Variants in EXTL3 observed in about 807,000 individuals in gnomAD.
EXTL3 encodes exostosin like glycosyltransferase 3, also known as exostosin-like 3.
Under a neutral mutation model 69.3 loss-of-function variants are expected in EXTL3, and 27 were observed. The observed-to-expected ratio is 0.39, with a 90% CI of 0.29 to 0.54. The LOEUF is 0.54. EXTL3 is among the 20% of genes least tolerant of loss of function. The pLI is 0.69. For missense variants in EXTL3, 1,003 were observed against 1,231.8 expected, an observed-to-expected ratio of 0.81 and a Z score of 2.78; for synonymous variants, 511 against 499.4, an observed-to-expected ratio of 1.02 and a Z score of -0.31.
Position 28,689,124 on chromosome 8 carries a change from T to C in EXTL3, c.-52-24333T>C, listed in dbSNP as rs116167287. Among the ~76,000 whole-genome samples the C allele has an allele frequency of 6.4e-3, 978 of 152,358 alleles. 11 individuals are homozygous for C. The highest frequency in any genetic ancestry group is 0.023 in the African/African-American group (942 of 41,582). On this transcript the variant is annotated intron_variant, in intron 1 of 6. Transcript: ENST00000523149. ...GAACTTCTGTGGCTGTTCTCATTTC[T>C]TGGTTCTTTGCTGACCCAGTTGTGG... is the stretch of plus-strand genomic sequence containing the variant.
At chr8:28,654,901 A>G (rs747786121) in intron 1 of EXTL3, among the ~76,000 whole-genome samples, 6 of 152,198 alleles carry the variant, frequency 3.9e-5, no homozygotes, top group Admixed American at 2.0e-4. Flanking sequence ...AACAAGGCAA[A>G]CAGAGAACTA....
At chr8:28,608,081 G>A (rs1381106621) in intron 2 of EXTL3, among the ~76,000 whole-genome samples, 1 of 150,952 alleles carries the variant, frequency 6.6e-6, no homozygotes, top group Admixed American at 6.6e-5. Context: ...CTGCACTCCA[G>A]CCTGGGCGAC....
rs188957682 is a variant in EXTL3 at position 28,607,938 on chromosome 8, C to G, written n.314+180C>G. Among the ~76,000 whole-genome samples, 1,167 of 151,250 alleles carry G rather than the reference C, an allele frequency of 7.7e-3. 20 individuals are homozygous for G. The highest frequency in any genetic ancestry group is 0.027 in the African/African-American group (1,114 of 40,684). The stretch of plus-strand genomic sequence containing the variant: ...CCATCCTGGCTAACACCATGAAACC[C>G]CGTCTCTACTAAATACAAAAAATTA... On this transcript the variant is annotated intron_variant and non_coding_transcript_variant, in intron 2 of 4. Coordinates refer to the EXTL3 transcript ENST00000522725.
At chr8:28,654,626 A>G (rs1157264553) in intron 1 of EXTL3, among the ~76,000 whole-genome samples, 2 of 152,156 alleles carry the variant, frequency 1.3e-5, no homozygotes, top group Non-Finnish European at 2.9e-5. Context: ...GGAAGATATT[A>G]TTGTTGAATC....
At chr8:28,649,259 T>C (rs1264788589) in intron 1 of EXTL3, among the ~76,000 whole-genome samples, 1 of 152,158 alleles carries the variant, frequency 6.6e-6, no homozygotes, top group Non-Finnish European at 1.5e-5. Context: ...TCCTCTAGGG[T>C]ATTTATCTAG....
intron 3 of EXTL3, 111 bp downstream of exon 3, chr8:28,718,318 C>T (rs896065569): frequency 4.9e-6 from 5 of 1,019,372 alleles, no homozygotes; most frequent in Non-Finnish European, 7.5e-6. Context: ...GAGGAGAATA[C>T]ATGCATACTC....
chr8:28,645,076 C>A (rs1440241729), intron 1 of EXTL3, among the ~76,000 whole-genome samples: 2 of 152,012 alleles, frequency 1.3e-5, no homozygotes, highest in Admixed American at 6.6e-5. Flanking sequence ...ATTGTTTCTT[C>A]TGAAAAGGGG....
rs1408322249 is a variant in EXTL3, at chr8:28,752,293, G to A, written c.*1427G>A. On this transcript the variant is annotated 3_prime_UTR_variant, in exon 7 of 7. Coordinates refer to ENST00000220562, the MANE Select transcript of EXTL3 (RefSeq NM_001440.4). ...ACCTAGGAGGGTGTGAGTGGCATTTGTCAGGGATTTAGCCCATGACGTGTT... is the reference window on the plus strand; with the variant it reads ...ACCTAGGAGGGTGTGAGTGGCATTTATCAGGGATTTAGCCCATGACGTGTT... 6.6e-6 allele frequency: 1 copy of A among 152,588 alleles called. No homozygotes were observed. The highest frequency in any genetic ancestry group is 6.5e-5 in the Admixed American group (1 of 15,278). 9.5% of individuals were successfully genotyped at this position (152,588 alleles called of 1,614,324 possible).
In EXTL3 at chr8:28,690,028, G is replaced by A. The variant is rs546138461; in HGVS notation, c.-52-23429G>A. ...TACAGTTTCTGCATTGCACCACATT[G>A]CATCCCTGGGGGGCTACAGGGATGT... On this transcript the variant is annotated intron_variant, in intron 1 of 6. Transcript: ENST00000523149. Among the ~76,000 whole-genome samples the A allele has an allele frequency of 5.3e-5, 8 of 152,268 alleles. No homozygotes were observed. The East Asian group carries it at 1.3e-3, about 26-fold the overall frequency.
At chr8:28,691,030 T>C (rs971132462) in intron 1 of EXTL3, among the ~76,000 whole-genome samples, 3 of 152,142 alleles carry the variant, frequency 2.0e-5, no homozygotes, top group African/African-American at 7.2e-5. Context: ...TGTGTGTTGT[T>C]AGACAGGCTA....
intron 4 of EXTL3, among the ~76,000 whole-genome samples, chr8:28,735,180 T>C (rs1215426427): frequency 1.3e-5 from 2 of 152,074 alleles, no homozygotes; most frequent in Non-Finnish European, 2.9e-5. Flanking sequence ...CCAGGCATGA[T>C]CTTTGCTGCT....
intron 4 of EXTL3, 36 bp downstream of exon 4, chr8:28,731,386 C>T: frequency 1.2e-6 from 2 of 1,613,020 alleles, no homozygotes; most frequent in Non-Finnish European, 1.7e-6. Flanking sequence ...CTTTAGGTTG[C>T]AAGTGACAGA....
chr8:28,668,981 A>C (rs999438444), intron 1 of EXTL3, among the ~76,000 whole-genome samples: 29 of 147,628 alleles, frequency 2.0e-4, no homozygotes, highest in African/African-American at 7.1e-4. Context: ...CTCCTGCCTC[A>C]GCCTCCTGAG....
chr8:28,648,349 A>G (rs1445808383), intron 1 of EXTL3, among the ~76,000 whole-genome samples: 1 of 151,992 alleles, frequency 6.6e-6, no homozygotes, highest in Non-Finnish European at 1.5e-5. Flanking sequence ...CAGCTCCCCC[A>G]TATCCCTCTT....
At chr8:28,673,175 A>G (rs1807325643) in intron 1 of EXTL3, among the ~76,000 whole-genome samples, 1 of 152,200 alleles carries the variant, frequency 6.6e-6, no homozygotes, top group Admixed American at 6.5e-5. Flanking sequence ...TCAAAACTGT[A>G]TAGATGACAC....
At chr8:28,746,310 A>T (rs1471183905) in intron 6 of EXTL3, among the ~76,000 whole-genome samples, 1 of 152,200 alleles carries the variant, frequency 6.6e-6, no homozygotes, top group African/African-American at 2.4e-5. Flanking sequence ...GAGAACACAG[A>T]ATATAAATAG....
Position 28,716,643 on chromosome 8 carries a change from C to T in EXTL3, c.584C>T (p.Pro195Leu), listed in dbSNP as rs200373495. The T allele has an allele frequency of 1.9e-5, 30 of 1,614,216 alleles. No homozygotes were observed. The East Asian group carries it at 4.5e-4, about 24-fold the overall frequency. The stretch of plus-strand genomic sequence containing the variant: ...CGTTGCCCTCTCACCTCTGGCTTCC[C>T]GGTCTACGTCTATGACAGTGACCAG... ...YSRCPLTSGF[P>L]VYVYDSDQFV... is the part of the protein sequence containing the mutation. The change falls in exon 3 of 7, where the codon CCG becomes CTG. Residue 195 changes from proline to leucine, a missense_variant. Around this residue, in one of 2 missense-constraint regions of EXTL3, gnomAD observed 742 missense variants for 815.4 expected, o/e 0.91. Transcript: ENST00000220562. This position sits in a 1 kb window ranked among gnomAD's most constrained non-coding sequence, Gnocchi z 7.1.
In EXTL3 at chr8:28,623,554, A is replaced by C. The variant is rs938914404; in HGVS notation, c.-53+744A>C. Among the ~76,000 whole-genome samples, 8 of 152,310 alleles carry C rather than the reference A, an allele frequency of 5.3e-5. No individual in the cohort carries two copies. The South Asian group carries it at 1.7e-3, about 32-fold the overall frequency. On this transcript the variant is annotated intron_variant, in intron 1 of 6. Transcript: ENST00000523149. This position sits in a 1 kb window ranked among gnomAD's most constrained non-coding sequence, Gnocchi z 4.2. ...ATCCGTTCAGTCTCACCCCTTGGTA[A>C]GCATGTCCTGTCCTGAAGGCTCCAT...
intron 6 of EXTL3, among the ~76,000 whole-genome samples, chr8:28,748,551 G>A (rs1403952584): frequency 6.6e-6 from 1 of 152,158 alleles, no homozygotes; most frequent in African/African-American, 2.4e-5. Flanking sequence ...GGTGGCAAGC[G>A]TGGTGGCATC....
Sources: allele counts gnomAD v4.1 joint callset (sites outside exome capture counted in the v4.1 genomes callset), GRCh38; gene constraint gnomAD v4.1.1; regional missense constraint gnomAD v4.1.1; non-coding constraint Gnocchi (gnomAD v3.1); transcripts MANE v1.5; gene names NCBI Gene and HGNC (gene_info 2026-07-23, HGNC 2026-07-21).